MGAT4C: variants seen among roughly 807,000 people sequenced by gnomAD.
MGAT4C encodes the protein MGAT4 family member C.
Under a neutral mutation model 40.1 loss-of-function variants are expected in MGAT4C, and 19 were observed. The ratio of observed to expected loss-of-function variants is 0.47; its 90% CI spans 0.33 to 0.70. MGAT4C has a LOEUF of 0.70. Ranked by LOEUF, MGAT4C falls within the 30% of genes least tolerant of loss-of-function variation. The pLI is 0.02. For synonymous variants in MGAT4C, 181 were observed against 187.1 expected (o/e 0.97, Z 0.27); for missense variants, 491 against 563.2 (o/e 0.87, Z 1.30).
chr12:86,623,110 T>C (rs1476012534), intron 2 of MGAT4C, among the ~76,000 whole-genome samples: 1 of 152,120 alleles, frequency 6.6e-6, no homozygotes, highest in African/African-American at 2.4e-5. Flanking sequence ...TGGAACAGCT[T>C]CAATTGGCCT....
chr12:86,393,590 GA>G (rs537232910), intron 3 of MGAT4C, among the ~76,000 whole-genome samples: 27 of 152,226 alleles, frequency 1.8e-4, no homozygotes, highest in African/African-American at 5.8e-4. Context: ...ATTGTTTTTA[GA>G]GATGTGGCAG....
chr12:85,990,261 C>T (rs114347298), intron 2 of MGAT4C, among the ~76,000 whole-genome samples: 3 of 152,078 alleles, frequency 2.0e-5, no homozygotes, highest in East Asian at 1.9e-4. Flanking sequence ...CAGAAAGATT[C>T]GTGAAAACCT....
Position 86,797,867 on chromosome 12 carries a change from CT to C in MGAT4C, c.-262+40798del, listed in dbSNP as rs1488690749. Among the ~76,000 whole-genome samples, 65 of 151,994 alleles carry C rather than the reference CT, an allele frequency of 4.3e-4. 1 individual carries two copies. The highest frequency in any genetic ancestry group is 1.5e-3 in the African/African-American group (63 of 41,508). On this transcript the variant is annotated intron_variant, in intron 1 of 7. Coordinates refer to the MGAT4C transcript ENST00000548651. Reference sequence around the variant, plus strand: ...ACCAGCATCTTAGAATAAAGTCTGCCTTTCTTTAATCTTACAATTCATTGAT... The same window carrying C: ...ACCAGCATCTTAGAATAAAGTCTGCCTTCTTTAATCTTACAATTCATTGAT...
At chr12:86,608,293 G>T (rs999405068) in intron 2 of MGAT4C, among the ~76,000 whole-genome samples, 1 of 152,014 alleles carries the variant, frequency 6.6e-6, no homozygotes, top group South Asian at 2.1e-4. Flanking sequence ...AAAATGAAAA[G>T]ATTCGGCCAG....
At chr12:86,380,867 T>C (rs2136219739) in intron 3 of MGAT4C, among the ~76,000 whole-genome samples, 1 of 152,278 alleles carries the variant, frequency 6.6e-6, no homozygotes, top group South Asian at 2.1e-4. Flanking sequence ...GAAAATATAA[T>C]TCAGGAAAAA....
intron 1 of MGAT4C, among the ~76,000 whole-genome samples, chr12:86,057,175 T>G (rs960242207): frequency 6.6e-6 from 1 of 152,092 alleles, no homozygotes; most frequent in African/African-American, 2.4e-5. Context: ...CTTTTACTAA[T>G]TATTATTATT....
intron 2 of MGAT4C, among the ~76,000 whole-genome samples, chr12:86,716,502 A>G (rs1950646919): frequency 6.6e-6 from 1 of 152,118 alleles, no homozygotes; most frequent in African/African-American, 2.4e-5. Context: ...GAAAAGCAGT[A>G]AAAGGGTAAA....
intron 2 of MGAT4C, among the ~76,000 whole-genome samples, chr12:86,519,540 T>C (rs1020600951): frequency 1.3e-5 from 2 of 152,202 alleles, no homozygotes; most frequent in African/African-American, 4.8e-5. Context: ...AGGGTTCCCT[T>C]TTCTCTACAT....
intron 2 of MGAT4C, among the ~76,000 whole-genome samples, chr12:86,685,187 T>C (rs1950051644): frequency 6.6e-6 from 1 of 152,196 alleles, no homozygotes; most frequent in African/African-American, 2.4e-5. Flanking sequence ...CTTAAGTCTT[T>C]AATCCATCTT....
At chr12:86,495,229 A>G (rs1170365658) in intron 2 of MGAT4C, 1 of 152,088 alleles carries the variant, frequency 6.6e-6, no homozygotes, top group African/African-American at 2.4e-5. Context: ...TAAACAGTAT[A>G]TAGTAAAATT....
chr12:86,156,478 C>T (rs373127096), intron 1 of MGAT4C, among the ~76,000 whole-genome samples: 59 of 152,216 alleles, frequency 3.9e-4, no homozygotes, highest in African/African-American at 1.1e-3. Flanking sequence ...TGCACCACCA[C>T]GCCTGGCTAA....
intron 1 of MGAT4C, among the ~76,000 whole-genome samples, chr12:86,796,901 C>T (rs980563233): frequency 1.3e-5 from 2 of 151,812 alleles, no homozygotes; most frequent in African/African-American, 4.8e-5. Flanking sequence ...TAGTACAATA[C>T]ATACAATTGT....
At chr12:86,756,763 C>T (rs1951311451) in intron 1 of MGAT4C, among the ~76,000 whole-genome samples, 1 of 152,088 alleles carries the variant, frequency 6.6e-6, no homozygotes, top group South Asian at 2.1e-4. Context: ...GATGATATAG[C>T]TGTATGGAGT....
At chr12:86,269,936 ATTTTGG>A (rs1952899782) in intron 4 of MGAT4C, among the ~76,000 whole-genome samples, 1 of 152,162 alleles carries the variant, frequency 6.6e-6, no homozygotes, top group Admixed American at 6.5e-5. Flanking sequence ...ATTTTAAACC[ATTTTGG>A]TTGTACAGGT....
intron 2 of MGAT4C, among the ~76,000 whole-genome samples, chr12:86,036,508 G>A (rs1045625088): frequency 1.3e-5 from 2 of 150,046 alleles, no homozygotes; most frequent in Non-Finnish European, 3.0e-5. Flanking sequence ...TCAGCATGAA[G>A]GACTGTTGAG....
chr12:86,665,986 T>C (rs1020066398), intron 2 of MGAT4C, among the ~76,000 whole-genome samples: 8 of 152,198 alleles, frequency 5.3e-5, no homozygotes, highest in Non-Finnish European at 8.8e-5. Context: ...AATATTTCAA[T>C]TCAAGAAAAT....
chr12:86,523,978 T>A (rs1958837974), intron 2 of MGAT4C, among the ~76,000 whole-genome samples: 1 of 152,070 alleles, frequency 6.6e-6, no homozygotes, highest in Non-Finnish European at 1.5e-5. Flanking sequence ...CTATGTGTGT[T>A]ATTGTATGTG....
At chr12:86,221,395 T>A (rs1950872292) in intron 1 of MGAT4C, among the ~76,000 whole-genome samples, 1 of 152,192 alleles carries the variant, frequency 6.6e-6, no homozygotes, top group Non-Finnish European at 1.5e-5. Context: ...AGAATCATTC[T>A]TTATGTCATC....
At chr12:86,224,963 G>A (rs1389222912) in intron 1 of MGAT4C, among the ~76,000 whole-genome samples, 2 of 151,236 alleles carry the variant, frequency 1.3e-5, no homozygotes, top group Admixed American at 6.6e-5. Flanking sequence ...CCAAAATAGA[G>A]AATTAAAAAA....
Sources: allele counts gnomAD v4.1 joint callset (sites outside exome capture counted in the v4.1 genomes callset), GRCh38; gene constraint gnomAD v4.1.1; transcripts MANE v1.5; gene names NCBI Gene and HGNC (gene_info 2026-07-23, HGNC 2026-07-21).